TRIM10: variants seen among roughly 807,000 people sequenced by gnomAD.
The protein encoded by TRIM10 is tripartite motif-containing protein 10.
In TRIM10, 42 loss-of-function variants were observed where a neutral mutation model predicts 40.0. That is an observed-to-expected ratio of 1.05 (90% CI 0.82 to 1.36). The LOEUF (loss-of-function observed/expected upper bound fraction) is 1.36, where lower values mean the gene tolerates loss of function less well. TRIM10 is among the 40% of genes most tolerant of loss of function. The pLI is 0.00. For missense variants in TRIM10, 601 were observed against 608.3 expected, an observed-to-expected ratio of 0.99 and a Z score of 0.13; for synonymous variants, 260 against 239.5, an observed-to-expected ratio of 1.09 and a Z score of -0.79.
At chr6:30,156,848 G>A (rs1772574020) in intron 5 of TRIM10, 91 bp downstream of exon 5, 3 of 1,161,244 alleles carry the variant, frequency 2.6e-6, no homozygotes, top group East Asian at 2.3e-5. Context: ...GCTTGCCAAA[G>A]TCACACCTTT....
chr6:30,155,859 G>A, intron 5 of TRIM10, 100 bp from the exon 6 acceptor site: 1 of 1,119,106 alleles, frequency 8.9e-7, no homozygotes, highest in Non-Finnish European at 1.3e-6. Flanking sequence ...GAAGGGACAA[G>A]AAGAAGAATG....
chr6:30,156,674 G>T (rs1772559711), intron 5 of TRIM10: 4 of 557,902 alleles, frequency 7.2e-6, no homozygotes, highest in East Asian at 6.3e-5. Flanking sequence ...CTTTCATATT[G>T]CTTAATGACC....
intron 1 of TRIM10, 128 bp downstream of exon 1, chr6:30,160,302 T>C (rs1772949758): frequency 9.9e-7 from 1 of 1,015,086 alleles, no homozygotes; most frequent in Non-Finnish European, 1.4e-6. Flanking sequence ...CCTGGGTCTA[T>C]TGCCTGGGTG....
At chr6:30,162,931 A>AAAATAAATAAAT (rs9278598), upstream of TRIM10, among the ~76,000 whole-genome samples, 50 of 143,838 alleles carry the variant, frequency 3.5e-4, no homozygotes, top group African/African-American at 6.2e-4. Context: ...CGCTACAGTA[A>AAAATAAATAAAT]AAATAAATAA....
At chr6:30,160,069 A>G (rs1311385755) in intron 1 of TRIM10, among the ~76,000 whole-genome samples, 2 of 152,166 alleles carry the variant, frequency 1.3e-5, no homozygotes, top group Admixed American at 6.5e-5. Flanking sequence ...CACACCAGAC[A>G]CACTTCTAAA....
At chr6:30,162,588 A>C (rs909600959), upstream of TRIM10, among the ~76,000 whole-genome samples, 1 of 152,200 alleles carries the variant, frequency 6.6e-6, no homozygotes, top group Non-Finnish European at 1.5e-5. Context: ...AGATGTGTGC[A>C]TGGGTGAAGG....
intron 5 of TRIM10, 26 bp downstream of exon 5, chr6:30,156,913 T>C (rs368069990): frequency 7.5e-4 from 1,197 of 1,604,882 alleles, no homozygotes; most frequent in Non-Finnish European, 9.7e-4. Flanking sequence ...CCACCTGCGC[T>C]CTGTGGAGGC....
chr6:30,163,743 C>T, upstream of TRIM10: 3 of 1,612,864 alleles, frequency 1.9e-6, no homozygotes, highest in East Asian at 2.2e-5. Flanking sequence ...ACCCTCTGTG[C>T]GGGGCCGCTG....
chr6:30,155,805 AC>A, intron 5 of TRIM10, 46 bp from the exon 6 acceptor site: 1 of 1,580,816 alleles, frequency 6.3e-7, no homozygotes, highest in Non-Finnish European at 8.6e-7. Flanking sequence ...GTCTTACAAA[AC>A]CATCAGACAC....
chr6:30,158,536 A>G lies in TRIM10; in HGVS notation c.619T>C (p.Leu207=), dbSNP rs761905357. 1.7e-5 allele frequency: 27 copies of G among 1,612,894 alleles called. No homozygotes were observed. The East Asian group carries it at 1.8e-4, about 11-fold the overall frequency. ...AAGATGTCCCCATCCTGGCTCTCCAATTGTGCTAAGAGGATGCTCTGCTGT... is the reference window on the plus strand; with the variant it reads ...AAGATGTCCCCATCCTGGCTCTCCAGTTGTGCTAAGAGGATGCTCTGCTGT... ...EEQQSILLAQ[L]ESQDGDILRQ... Residue 207 remains leucine, a synonymous_variant, in exon 3 of 7, where the codon TTG becomes CTG. Coordinates refer to ENST00000449742, the MANE Select transcript of TRIM10 (RefSeq NM_006778.4).
chr6:30,155,731 C>A lies in TRIM10; in HGVS notation c.924G>T (p.Glu308Asp), dbSNP rs377207636. ...ATCCTGACATAGGCTCCTTACCTGG[C>A]TCATAGTCCAACTCAAAGCATAGTT... is the stretch of plus-strand genomic sequence containing the variant. ...LEKLCFELDYEPAHISLDPQT... is the reference protein window; with the variant it reads ...LEKLCFELDYDPAHISLDPQT... The change falls in exon 6 of 7, where the codon GAG becomes GAT. Residue 308 changes from glutamate (E) to aspartate (D), a missense_variant. Coordinates refer to ENST00000449742, the MANE Select transcript of TRIM10 (RefSeq NM_006778.4). 5 of 1,613,592 alleles carry A rather than the reference C, an allele frequency of 3.1e-6. No individual in the cohort carries two copies. The highest frequency in any genetic ancestry group is 4.2e-6 in the Non-Finnish European group (5 of 1,179,864).
rs1581567201 is a variant in TRIM10, at chr6:30,155,763, T to TAAAGA, written c.896-9_896-5dup. 4 of 1,612,826 alleles carry TAAAGA rather than the reference T, an allele frequency of 2.5e-6. No homozygotes were observed. The highest frequency in any genetic ancestry group is 2.5e-6 in the Non-Finnish European group (3 of 1,179,716). ...TCCAACTCAAAGCATAGTTTTTCTG[T>TAAAGA]AAAGAAAATAAACCAGGATGAGATT... On this transcript the variant is annotated splice_region_variant and splice_polypyrimidine_tract_variant and intron_variant, in intron 5 of 6. Transcript: ENST00000449742.
In TRIM10 at chr6:30,155,769, A is replaced by T. The variant is rs1772477368; in HGVS notation, c.896-10T>A. The T allele has an allele frequency of 3.1e-6, 5 of 1,612,732 alleles. No individual in the cohort carries two copies. The East Asian group carries it at 1.1e-4, about 36-fold the overall frequency. On this transcript the variant is annotated splice_polypyrimidine_tract_variant and intron_variant, in intron 5 of 6. Transcript: ENST00000449742. ...TCAAAGCATAGTTTTTCTGTAAAGA[A>T]AATAAACCAGGATGAGATTTTATTA...
chr6:30,163,740 GTGCGGGGCCGCTGGAGGA>G (rs761765011), upstream of TRIM10: 1 of 1,612,996 alleles, frequency 6.2e-7, no homozygotes, highest in Admixed American at 1.7e-5. Context: ...TGTACCCTCT[GTGCGGGGCCGCTGGAGGA>G]TGCGGTGACC....
Position 30,153,911 on chromosome 6 carries a change from A to C in TRIM10, c.*58T>G. The C allele has an allele frequency of 6.3e-7, 1 of 1,581,656 alleles. No homozygotes were observed. The highest frequency in any genetic ancestry group is 8.6e-7 in the Non-Finnish European group (1 of 1,161,910). Reference sequence around the variant, plus strand: ...TGATTCAGCCAGGGATCAAGTCCACATGGTACTTGGGTTGATATGAGTCCT... The same window carrying C: ...TGATTCAGCCAGGGATCAAGTCCACCTGGTACTTGGGTTGATATGAGTCCT... On this transcript the variant is annotated 3_prime_UTR_variant, in exon 7 of 7. Coordinates refer to ENST00000449742, the MANE Select transcript of TRIM10 (RefSeq NM_006778.4).
At chr6:30,158,958 A>G (rs1030677709) in intron 2 of TRIM10, among the ~76,000 whole-genome samples, 192 bp downstream of exon 2, 1 of 152,188 alleles carries the variant, frequency 6.6e-6, no homozygotes, top group African/African-American at 2.4e-5. Flanking sequence ...TGAGGTCATG[A>G]TGATTTTTAC....
chr6:30,162,951 TAAA>T (rs1773245886), upstream of TRIM10, among the ~76,000 whole-genome samples: 1 of 150,240 alleles, frequency 6.7e-6, no homozygotes, highest in Non-Finnish European at 1.5e-5. Context: ...AATAAATAAA[TAAA>T]TAAATAAATA....
At chr6:30,163,811 C>T (rs561138914), upstream of TRIM10, 4 of 1,613,050 alleles carry the variant, frequency 2.5e-6, no homozygotes, top group African/African-American at 2.7e-5. Flanking sequence ...CCTCCCCGCG[C>T]TCTCCCAGAT....
Position 30,158,431 on chromosome 6 carries a change from TCTC to T in TRIM10, c.721_723del (p.Glu241del). On this transcript the variant is annotated inframe_deletion, in exon 3 of 7. Coordinates refer to ENST00000449742, the MANE Select transcript of TRIM10 (RefSeq NM_006778.4). ...AGCTCCCTTGCTGGCCTCTCATTCTTCTCCTCCAGTTCTTCAATAAGAGCACTA... is the reference window on the plus strand; with the variant it reads ...AGCTCCCTTGCTGGCCTCTCATTCTTCTCCAGTTCTTCAATAAGAGCACTA... The T allele has an allele frequency of 1.2e-6, 2 of 1,612,928 alleles. No individual in the cohort carries two copies. The highest frequency in any genetic ancestry group is 1.3e-5 in the African/African-American group (1 of 74,960).
Sources: gnomAD v4.1 joint callset for allele counts (sites outside exome capture counted in the v4.1 genomes callset) on GRCh38, gnomAD v4.1.1 for gene constraint, MANE v1.5 for transcripts, NCBI Gene and HGNC (gene_info 2026-07-23, HGNC 2026-07-21) for gene names.